Variants in DEAF1 observed in about 807,000 individuals in gnomAD.
DEAF1 encodes the protein DEAF1 transcription factor, also known as deformed epidermal autoregulatory factor 1 homolog.
DEAF1 carries 53 observed loss-of-function variants against 58.9 expected under a neutral mutation model. The ratio of observed to expected loss-of-function variants is 0.90; its 90% CI spans 0.72 to 1.13. The LOEUF (loss-of-function observed/expected upper bound fraction) is 1.13. Among genes scored for constraint, DEAF1 ranks in the 50% most tolerant of loss-of-function variants. The pLI, the probability that DEAF1 is intolerant of heterozygous loss-of-function variation, is 0.00. For missense variants in DEAF1, 685 were observed against 791.4 expected (o/e 0.87, Z 1.61); for synonymous variants, 385 against 340.4 (o/e 1.13, Z -1.44).
chr11:692,385 TG>T, intron 1 of DEAF1: 1 of 155,878 alleles, frequency 6.4e-6, no homozygotes, highest in Non-Finnish European at 1.4e-5. Context: ...TCTCTGCCTC[TG>T]CAAAGTCTTC....
At chr11:706,955 G>C (rs868822355) in exon 1 of DEAF1, 1 of 152,434 alleles carries the variant, frequency 6.6e-6, no homozygotes, top group African/African-American at 2.4e-5. Context: ...CCTGGTCCCT[G>C]CGTCCAGCTG....
intron 6 of DEAF1, among the ~76,000 whole-genome samples, 188 bp downstream of exon 6, chr11:684,710 G>A (rs758889563): frequency 2.6e-5 from 4 of 152,104 alleles, no homozygotes; most frequent in African/African-American, 7.2e-5. Context: ...GTTCCCCATC[G>A]AGACATCAGG....
At chr11:680,261 C>T (rs1039989746) in intron 7 of DEAF1, among the ~76,000 whole-genome samples, 2 of 152,192 alleles carry the variant, frequency 1.3e-5, no homozygotes, top group Admixed American at 6.5e-5. Context: ...GGCGACAGAT[C>T]TTGAGACTCT....
chr11:667,831 G>T (rs1859624761), intron 10 of DEAF1, among the ~76,000 whole-genome samples: 1 of 150,700 alleles, frequency 6.6e-6, no homozygotes, highest in African/African-American at 2.4e-5. Flanking sequence ...TAAATAAATA[G>T]GCCGGCGTGT....
At chr11:703,840 A>G (rs1861608517) in intron 1 of DEAF1, 3 of 1,235,022 alleles carry the variant, frequency 2.4e-6, no homozygotes, top group Non-Finnish European at 2.0e-6. Context: ...CGGGGATGAG[A>G]CTGCAGGAGA....
At chr11:674,438 T>G in intron 10 of DEAF1, 98 bp downstream of exon 10, 1 of 1,559,802 alleles carries the variant, frequency 6.4e-7, no homozygotes, top group Non-Finnish European at 8.8e-7. Context: ...GCAGGGGCCT[T>G]GTGAGCCAAG....
intron 6 of DEAF1, among the ~76,000 whole-genome samples, chr11:683,041 C>G (rs1238985336): frequency 6.6e-6 from 1 of 152,156 alleles, no homozygotes; most frequent in Non-Finnish European, 1.5e-5. Flanking sequence ...CCTCACTGCC[C>G]TTTCCAAGAC....
At chr11:704,564 T>A in intron 1 of DEAF1, 1 of 1,289,162 alleles carries the variant, frequency 7.8e-7, no homozygotes, top group Non-Finnish European at 1.0e-6. Context: ...ACACCTGCCA[T>A]CTGGAGGACC....
Position 686,892 on chromosome 11 carries a change from CG to C in DEAF1, c.769del (p.Arg257AlafsTer16). 6.2e-7 allele frequency: 1 copy of C among 1,614,208 alleles called. No individual in the cohort carries two copies. The highest frequency in any genetic ancestry group is 2.2e-5 in the East Asian group (1 of 44,888). On this transcript the variant is annotated frameshift_variant, in exon 5 of 12. Coordinates refer to ENST00000382409, the MANE Select transcript of DEAF1 (RefSeq NM_021008.4). LOFTEE classifies it high-confidence loss of function. ...GCACTGCAAGGGTCGGCCCGCGTAG[CG>C]AATGCTTCTTTTCCAGTCCTTACTG... Reference protein sequence around the residue: ...ASSKDWKRSIRYAGRPLQCLI... With the variant: ...ASSKDWKRSIXYAGRPLQCLI...
At chr11:670,249 AG>A (rs1055162576) in intron 10 of DEAF1, among the ~76,000 whole-genome samples, 1 of 152,142 alleles carries the variant, frequency 6.6e-6, no homozygotes, top group Admixed American at 6.6e-5. Flanking sequence ...CTGTACATAC[AG>A]TTTACCTCAA....
intron 1 of DEAF1, 87 bp from the exon 2 acceptor site, chr11:691,685 G>T: frequency 1.7e-6 from 2 of 1,146,896 alleles, no homozygotes; most frequent in South Asian, 1.3e-5. Context: ...CAAACAAAGT[G>T]ACTCCCCCTC....
chr11:706,964 T>C (rs900694721), exon 1 of DEAF1, among the ~76,000 whole-genome samples: 3 of 151,804 alleles, frequency 2.0e-5, no homozygotes, highest in African/African-American at 7.3e-5. Flanking sequence ...TGCGTCCAGC[T>C]GCCTGGCGTT....
chr11:654,163 CCCTTTTTTTTT>C (rs1185692645), intron 10 of DEAF1, 112 bp from the exon 11 acceptor site: 2 of 515,178 alleles, frequency 3.9e-6, no homozygotes, highest in African/African-American at 1.5e-4. Context: ...CCATTGGACC[CCCTTTTTTTTT>C]TTTTTTTTTT....
chr11:679,571 TTCAAGGCCCCTC>T (rs1262794086), intron 8 of DEAF1, 105 bp downstream of exon 8: 90 of 1,520,216 alleles, frequency 5.9e-5, no homozygotes, highest in Non-Finnish European at 8.0e-5. Context: ...AAACGCCTGG[TTCAAGGCCCCTC>T]TCGAGGCACC....
At chr11:669,157 G>T (rs1162190789) in intron 10 of DEAF1, among the ~76,000 whole-genome samples, 1 of 138,110 alleles carries the variant, frequency 7.2e-6, no homozygotes, top group Non-Finnish European at 1.5e-5. Flanking sequence ...TACAGACAGG[G>T]TCTCACAATG....
intron 1 of DEAF1, among the ~76,000 whole-genome samples, chr11:705,908 C>A (rs991723810): frequency 3.3e-5 from 5 of 152,212 alleles, no homozygotes; most frequent in African/African-American, 1.2e-4. Flanking sequence ...GCTCATCCCG[C>A]GGAGGCGGCC....
At chr11:670,543 C>A (rs917798699) in intron 10 of DEAF1, among the ~76,000 whole-genome samples, 3 of 151,510 alleles carry the variant, frequency 2.0e-5, no homozygotes, top group Non-Finnish European at 4.4e-5. Flanking sequence ...GGCGAAACCT[C>A]TTCTCTCCTA....
chr11:651,682 C>T (rs553827924), intron 11 of DEAF1, among the ~76,000 whole-genome samples: 127 of 152,086 alleles, frequency 8.4e-4, no homozygotes, highest in Non-Finnish European at 1.6e-3. Context: ...GTCAGGAGAT[C>T]GAGACCATCC....
At chr11:701,346 G>C (rs1257752808) in intron 1 of DEAF1, among the ~76,000 whole-genome samples, 1 of 149,572 alleles carries the variant, frequency 6.7e-6, no homozygotes, top group African/African-American at 2.5e-5. Context: ...CTGCCACCAC[G>C]CCCAGCTAAT....
Sources: gnomAD v4.1 joint callset for allele counts (sites outside exome capture counted in the v4.1 genomes callset) on GRCh38, gnomAD v4.1.1 for gene constraint, MANE v1.5 for transcripts, NCBI Gene and HGNC (gene_info 2026-07-23, HGNC 2026-07-21) for gene names.